CNTNAP2: variants seen among roughly 807,000 people sequenced by gnomAD.
CNTNAP2 encodes contactin-associated protein-like 2.
In CNTNAP2, 98 loss-of-function variants were observed where a neutral mutation model predicts 155.2. The ratio of observed to expected loss-of-function variants is 0.63; its 90% CI spans 0.54 to 0.75. The LOEUF (loss-of-function observed/expected upper bound fraction) is 0.75, where lower values mean the gene tolerates loss of function less well. Among genes scored for constraint, CNTNAP2 ranks in the 30% least tolerant of loss-of-function variants. CNTNAP2 has a pLI of 0.00. For missense variants in CNTNAP2, 1,727 were observed against 1,688.1 expected (o/e 1.02, Z -0.40); for synonymous variants, 651 against 631.2 (o/e 1.03, Z -0.47).
intron 1 of CNTNAP2, among the ~76,000 whole-genome samples, chr7:146,389,971 G>A (rs531381091): frequency 2.0e-5 from 3 of 151,978 alleles, no homozygotes; most frequent in Non-Finnish European, 4.4e-5. Context: ...AAAGTGCTAC[G>A]ATTACAGATG....
chr7:148,117,610 C>A (rs951881043), intron 15 of CNTNAP2, among the ~76,000 whole-genome samples: 4 of 152,074 alleles, frequency 2.6e-5, no homozygotes, highest in Non-Finnish European at 5.9e-5. Context: ...ATCTCAGATG[C>A]TGCTTGCACC....
At chr7:146,364,347 C>T (rs1402678019) in intron 1 of CNTNAP2, among the ~76,000 whole-genome samples, 13 of 152,100 alleles carry the variant, frequency 8.5e-5, no homozygotes, top group Admixed American at 5.2e-4. Context: ...AGAACTAAGG[C>T]TGACTTACAG....
intron 9 of CNTNAP2, among the ~76,000 whole-genome samples, chr7:147,359,822 C>T (rs1218861392): frequency 6.6e-6 from 1 of 152,140 alleles, no homozygotes; most frequent in Non-Finnish European, 1.5e-5. Context: ...CCACCCACCT[C>T]TCTACTCCCT....
intron 14 of CNTNAP2, among the ~76,000 whole-genome samples, chr7:147,937,168 G>A (rs1038189599): frequency 2.0e-5 from 3 of 152,100 alleles, no homozygotes; most frequent in Non-Finnish European, 4.4e-5. Flanking sequence ...AGTCTTGGCT[G>A]GGTTGTGGGA....
intron 8 of CNTNAP2, among the ~76,000 whole-genome samples, chr7:147,252,554 C>A (rs1280083827): frequency 1.3e-5 from 2 of 152,010 alleles, no homozygotes; most frequent in African/African-American, 4.8e-5. Flanking sequence ...TAATTTCATA[C>A]CATAATGAAA....
chr7:147,712,848 C>A (rs755982990), intron 13 of CNTNAP2, among the ~76,000 whole-genome samples: 1 of 152,068 alleles, frequency 6.6e-6, no homozygotes, highest in Non-Finnish European at 1.5e-5. Context: ...ACATATGTAA[C>A]CAACCTGCAC....
chr7:147,827,306 T>A (rs948812841), intron 13 of CNTNAP2, among the ~76,000 whole-genome samples: 1 of 152,290 alleles, frequency 6.6e-6, no homozygotes, highest in Middle Eastern at 3.4e-3. Context: ...CTCTGCATGG[T>A]GTCAAGCACT....
At chr7:146,857,904 G>A (rs1795022334) in intron 3 of CNTNAP2, among the ~76,000 whole-genome samples, 1 of 152,130 alleles carries the variant, frequency 6.6e-6, no homozygotes, top group South Asian at 2.1e-4. Context: ...GTAAGGTGAA[G>A]GGGGTGATAA....
intron 8 of CNTNAP2, among the ~76,000 whole-genome samples, chr7:147,280,937 C>T (rs1167809328): frequency 6.6e-6 from 1 of 151,808 alleles, no homozygotes; most frequent in Admixed American, 6.6e-5. Flanking sequence ...AGTGGCAGCT[C>T]TGAAAAGTGA....
At chr7:147,461,968 C>T (rs1798033511) in intron 10 of CNTNAP2, among the ~76,000 whole-genome samples, 1 of 152,082 alleles carries the variant, frequency 6.6e-6, no homozygotes, top group Non-Finnish European at 1.5e-5. Flanking sequence ...ATAATTAAAA[C>T]ATCTCTTTCC....
intron 13 of CNTNAP2, among the ~76,000 whole-genome samples, chr7:147,888,766 GA>G (rs1365276158): frequency 6.7e-6 from 1 of 150,208 alleles, no homozygotes; most frequent in African/African-American, 2.4e-5. Context: ...ATGCCACCCA[GA>G]AAAAAACACA....
rs555304075 is a variant in CNTNAP2 at position 146,859,449 on chromosome 7, G to A, written c.402+19545G>A. Reference sequence around the variant, plus strand: ...AGGCGGTTGGATCACCTGAGGCCGGGAGTTCAAGACCAGCCTGATCAACCT... The same window carrying A: ...AGGCGGTTGGATCACCTGAGGCCGGAAGTTCAAGACCAGCCTGATCAACCT... On this transcript the variant is annotated intron_variant, in intron 3 of 23. Transcript: ENST00000361727. Among the ~76,000 whole-genome samples, 3 of 152,236 alleles carry A rather than the reference G, an allele frequency of 2.0e-5. No individual in the cohort carries two copies. In the South Asian group the frequency reaches 6.2e-4, roughly 32 times the overall value.
intron 1 of CNTNAP2, among the ~76,000 whole-genome samples, chr7:146,347,149 A>C (rs1050371850): frequency 3.3e-5 from 5 of 151,578 alleles, no homozygotes; most frequent in Admixed American, 1.3e-4. Flanking sequence ...AAAAAAAAAA[A>C]AAAAAAAAAA....
chr7:147,191,313 C>A (rs1802676874), intron 8 of CNTNAP2, among the ~76,000 whole-genome samples: 1 of 152,094 alleles, frequency 6.6e-6, no homozygotes, highest in Admixed American at 6.6e-5. Flanking sequence ...AAGATAAAGA[C>A]CAGTTTTCAT....
intron 1 of CNTNAP2, among the ~76,000 whole-genome samples, chr7:146,690,273 A>C (rs1800674974): frequency 6.6e-6 from 1 of 152,144 alleles, no homozygotes; most frequent in Non-Finnish European, 1.5e-5. Flanking sequence ...TTCACTACAT[A>C]AAGAGGAGAC....
chr7:148,323,785 G>A (rs952579001), intron 21 of CNTNAP2, among the ~76,000 whole-genome samples: 1 of 152,056 alleles, frequency 6.6e-6, no homozygotes, highest in Non-Finnish European at 1.5e-5. Flanking sequence ...GAAGAGGGAG[G>A]AGGCGTGAAG....
chr7:146,831,301 A>G (rs1208704096), intron 2 of CNTNAP2, among the ~76,000 whole-genome samples: 4 of 152,068 alleles, frequency 2.6e-5, no homozygotes, highest in Non-Finnish European at 4.4e-5. Flanking sequence ...CAGCTCCTTT[A>G]ATAAATATTC....
chr7:146,561,863 C>T (rs1253114304), intron 1 of CNTNAP2, among the ~76,000 whole-genome samples: 1 of 152,100 alleles, frequency 6.6e-6, no homozygotes, highest in Non-Finnish European at 1.5e-5. Flanking sequence ...AATCATGGCT[C>T]ACTGCAGCAT....
At chr7:147,142,338 GT>G (rs1403981635) in intron 8 of CNTNAP2, among the ~76,000 whole-genome samples, 19 of 152,212 alleles carry the variant, frequency 1.2e-4, no homozygotes, top group African/African-American at 4.3e-4. Flanking sequence ...TAATCATGTG[GT>G]TTTTGTCATT....
Sources: allele counts gnomAD v4.1 joint callset (sites outside exome capture counted in the v4.1 genomes callset), GRCh38; gene constraint gnomAD v4.1.1; transcripts MANE v1.5; gene names NCBI Gene and HGNC (gene_info 2026-07-23, HGNC 2026-07-21).